FHL2: variants seen among roughly 807,000 people sequenced by gnomAD.
FHL2 encodes four and a half LIM domains protein 2.
A neutral mutation model predicts 32.7 loss-of-function variants in FHL2; 20 were observed. The ratio of observed to expected loss-of-function variants is 0.61; its 90% CI spans 0.43 to 0.89. FHL2 has a LOEUF of 0.89. Among genes scored for constraint, FHL2 ranks in the 40% least tolerant of loss-of-function variants. The pLI, the probability that FHL2 is intolerant of heterozygous loss-of-function variation, is 0.00. For missense variants in FHL2, 311 were observed against 358.6 expected (o/e 0.87, Z 1.07); for synonymous variants, 123 against 128.1 (o/e 0.96, Z 0.27).
chr2:105,432,353 G>A (rs1302450819), intron 1 of FHL2, among the ~76,000 whole-genome samples: 1 of 152,082 alleles, frequency 6.6e-6, no homozygotes, highest in Non-Finnish European at 1.5e-5. Flanking sequence ...TTTTTTCTCT[G>A]AACCTAACTG....
At chr2:105,373,878 G>C in intron 3 of FHL2, 145 bp from the exon 4 acceptor site, 1 of 681,810 alleles carries the variant, frequency 1.5e-6, no homozygotes, top group Non-Finnish European at 2.5e-6. Flanking sequence ...CATGCCCCAG[G>C]ACCACCTAAC....
intron 1 of FHL2, among the ~76,000 whole-genome samples, chr2:105,427,872 G>T (rs979781199): frequency 1.3e-5 from 2 of 152,100 alleles, no homozygotes; most frequent in Non-Finnish European, 2.9e-5. Flanking sequence ...CTTATTAAAA[G>T]TGCTCTCAAA....
At chr2:105,366,396 G>C (rs1193163376) in intron 5 of FHL2, among the ~76,000 whole-genome samples, 1 of 152,214 alleles carries the variant, frequency 6.6e-6, no homozygotes. Context: ...GGGCAAAACA[G>C]CAGAAGCTGG....
chr2:105,377,469 A>G (rs566606883), intron 3 of FHL2, among the ~76,000 whole-genome samples: 2 of 152,212 alleles, frequency 1.3e-5, no homozygotes, highest in South Asian at 2.1e-4. Context: ...CATCTCTACT[A>G]AAAATACAAA....
chr2:105,408,613 G>C (rs1410760118), intron 1 of FHL2, among the ~76,000 whole-genome samples: 1 of 152,208 alleles, frequency 6.6e-6, no homozygotes, highest in Admixed American at 6.5e-5. Context: ...TGCAGAGAAA[G>C]GACAGCAGCT....
intron 1 of FHL2, among the ~76,000 whole-genome samples, chr2:105,419,449 C>A (rs1179793946): frequency 6.6e-6 from 1 of 152,124 alleles, no homozygotes; most frequent in Non-Finnish European, 1.5e-5. Flanking sequence ...GCAGCAAATG[C>A]AGAAAAAGGA....
intron 1 of FHL2, among the ~76,000 whole-genome samples, chr2:105,436,527 A>G (rs1238076178): frequency 1.3e-5 from 2 of 152,170 alleles, no homozygotes; most frequent in East Asian, 3.8e-4. Flanking sequence ...ATAAATTGGA[A>G]GAAAGAAGAT....
chr2:105,376,611 G>GGCT (rs1283786106), intron 3 of FHL2: 1 of 152,132 alleles, frequency 6.6e-6, no homozygotes, highest in African/African-American at 2.4e-5. Context: ...AAAACACCAT[G>GGCT]GCTGATATTA....
chr2:105,429,733 A>G (rs994193039), intron 1 of FHL2, among the ~76,000 whole-genome samples: 1 of 152,248 alleles, frequency 6.6e-6, no homozygotes, highest in Non-Finnish European at 1.5e-5. Context: ...AAACTAGTAC[A>G]GCAACTATAG....
At chr2:105,425,835 T>C (rs1684247923) in intron 1 of FHL2, among the ~76,000 whole-genome samples, 1 of 152,164 alleles carries the variant, frequency 6.6e-6, no homozygotes, top group African/African-American at 2.4e-5. Context: ...GCTGCTCTCC[T>C]ACTACATTCC....
chr2:105,397,514 C>T (rs888862070), intron 1 of FHL2, among the ~76,000 whole-genome samples: 1 of 152,118 alleles, frequency 6.6e-6, no homozygotes, highest in Admixed American at 6.5e-5. Context: ...CATGCAGTCC[C>T]CGGCATCCCC....
At chr2:105,412,279 T>TTGATGTG (rs1226801428) in intron 1 of FHL2, among the ~76,000 whole-genome samples, 2 of 152,166 alleles carry the variant, frequency 1.3e-5, no homozygotes, top group African/African-American at 4.8e-5. Flanking sequence ...TGACACATGC[T>TTGATGTG]CCAACAGGGA....
intron 1 of FHL2, among the ~76,000 whole-genome samples, chr2:105,398,293 T>G (rs1683280566): frequency 1.3e-5 from 1 of 75,478 alleles, no homozygotes; most frequent in Non-Finnish European, 2.6e-5. Flanking sequence ...TAAGAAAAAC[T>G]TAGAATCTTT....
chr2:105,390,735 T>G (rs935824491), intron 2 of FHL2, among the ~76,000 whole-genome samples: 2 of 152,134 alleles, frequency 1.3e-5, no homozygotes, highest in African/African-American at 4.8e-5. Context: ...AGAGCTTCCC[T>G]TCTATTACAA....
At chr2:105,420,090 A>C (rs1177845460) in intron 1 of FHL2, among the ~76,000 whole-genome samples, 4 of 152,196 alleles carry the variant, frequency 2.6e-5, no homozygotes, top group Non-Finnish European at 5.9e-5. Context: ...GGCTGTCATC[A>C]CAAAGTACCA....
chr2:105,425,372 G>A (rs1684228207), intron 1 of FHL2, among the ~76,000 whole-genome samples: 1 of 152,164 alleles, frequency 6.6e-6, no homozygotes, highest in Non-Finnish European at 1.5e-5. Flanking sequence ...AGGGAACTCT[G>A]CCCTTGAAAG....
Position 105,423,049 on chromosome 2 carries a change from T to C in FHL2, c.-25+15350A>G, listed in dbSNP as rs577861362. On this transcript the variant is annotated intron_variant, in intron 1 of 5. Coordinates refer to the FHL2 transcript ENST00000393352. Reference sequence around the variant, plus strand: ...GGAAAGCAAGCTGAGGATGCTTGCATTGGGCCTGACTCAGGAAGTGGTATC... The same window carrying C: ...GGAAAGCAAGCTGAGGATGCTTGCACTGGGCCTGACTCAGGAAGTGGTATC... 5.3e-5 allele frequency among the ~76,000 whole-genome samples: 8 copies of C among 152,288 alleles called. No individual in the cohort carries two copies. In the South Asian group the frequency reaches 1.5e-3, roughly 28 times the overall value.
intron 2 of FHL2, chr2:105,389,962 C>T (rs1270275977): frequency 6.6e-6 from 1 of 152,486 alleles, no homozygotes; most frequent in Non-Finnish European, 1.5e-5. Context: ...GGTGCGGTGG[C>T]TCACGCCTGT....
chr2:105,386,064 C>T, intron 3 of FHL2: 2 of 437,050 alleles, frequency 4.6e-6, no homozygotes, highest in Non-Finnish European at 8.0e-6. Flanking sequence ...AAGAAAGTTC[C>T]AGTATTGGTA....
Sources: allele counts gnomAD v4.1 joint callset (sites outside exome capture counted in the v4.1 genomes callset), GRCh38; gene constraint gnomAD v4.1.1; transcripts MANE v1.5; gene names NCBI Gene and HGNC (gene_info 2026-07-23, HGNC 2026-07-21).